NPAS3: variants seen among roughly 807,000 people sequenced by gnomAD.
NPAS3 encodes the protein neuronal PAS domain-containing protein 3.
A neutral mutation model predicts 73.1 loss-of-function variants in NPAS3; 14 were observed. The observed-to-expected ratio is 0.19, with a 90% CI of 0.13 to 0.30. NPAS3 has a LOEUF of 0.30. NPAS3 is among the 10% of genes least tolerant of loss of function. The probability of loss-of-function intolerance (pLI) is 1.00; values close to 1 mark genes in which losing one functional copy is unlikely to be tolerated. For missense variants in NPAS3, 1,096 were observed against 1,250.0 expected (o/e 0.88, Z 1.86); for synonymous variants, 620 against 541.5 (o/e 1.14, Z -2.01).
At chr14:33,461,098 C>T (rs962583520) in intron 4 of NPAS3, among the ~76,000 whole-genome samples, 2 of 152,148 alleles carry the variant, frequency 1.3e-5, no homozygotes, top group African/African-American at 2.4e-5. Context: ...ACGTTCAAAG[C>T]CTGACTCCTG....
rs552690467 is a variant in NPAS3, at chr14:33,670,242, C to A, written c.559-5969C>A. On this transcript the variant is annotated intron_variant, in intron 5 of 11. Coordinates refer to ENST00000356141, the Ensembl canonical transcript of NPAS3. The stretch of plus-strand genomic sequence containing the variant: ...CTAAGGGAAGCCTCTGTTAACATAT[C>A]TGTAAAAAGAGAGCGGATTCGTGTT... Among the ~76,000 whole-genome samples, 5 of 152,308 alleles carry A rather than the reference C, an allele frequency of 3.3e-5. No individual in the cohort carries two copies. The South Asian group carries it at 1.0e-3, about 32-fold the overall frequency.
At chr14:33,470,918 T>C (rs2050750114) in intron 4 of NPAS3, among the ~76,000 whole-genome samples, 1 of 147,234 alleles carries the variant, frequency 6.8e-6, no homozygotes, top group African/African-American at 2.6e-5. Context: ...TGATGCGGGA[T>C]TTGTAGAGCA....
chr14:33,207,759 C>T (rs1302891717), intron 2 of NPAS3, among the ~76,000 whole-genome samples: 2 of 152,050 alleles, frequency 1.3e-5, no homozygotes, highest in African/African-American at 2.4e-5. Context: ...GAAAATGGCC[C>T]CTTTTACAGC....
chr14:33,557,802 T>C (rs985381659), intron 4 of NPAS3, among the ~76,000 whole-genome samples: 1 of 152,168 alleles, frequency 6.6e-6, no homozygotes, highest in Non-Finnish European at 1.5e-5. Context: ...ACCCCGTCTC[T>C]ACTAAAAATA....
At chr14:33,306,643 A>C (rs908310621) in intron 3 of NPAS3, among the ~76,000 whole-genome samples, 1 of 152,316 alleles carries the variant, frequency 6.6e-6, no homozygotes, top group South Asian at 2.1e-4. Flanking sequence ...GGAGTTCATT[A>C]ATTTGTATTG....
upstream of NPAS3, among the ~76,000 whole-genome samples, chr14:32,938,733 A>AC (rs1325806338): frequency 1.4e-4 from 20 of 148,034 alleles, no homozygotes; most frequent in Admixed American, 4.7e-4. Flanking sequence ...GAAAGGGGTG[A>AC]CGGGGGACGG....
chr14:33,744,120 G>A (rs924322836), intron 7 of NPAS3, among the ~76,000 whole-genome samples: 8 of 152,158 alleles, frequency 5.3e-5, no homozygotes, highest in African/African-American at 1.7e-4. Flanking sequence ...TGCATTCACT[G>A]GTTGGCTAAC....
At chr14:33,697,216 A>G (rs1045357232) in intron 6 of NPAS3, among the ~76,000 whole-genome samples, 1 of 152,192 alleles carries the variant, frequency 6.6e-6, no homozygotes, top group Non-Finnish European at 1.5e-5. Flanking sequence ...TTTCTGAGCT[A>G]TCTTTGGCAT....
At chr14:33,290,475 T>C (rs1050149206) in intron 3 of NPAS3, among the ~76,000 whole-genome samples, 1 of 152,228 alleles carries the variant, frequency 6.6e-6, no homozygotes, top group Non-Finnish European at 1.5e-5. Flanking sequence ...ATAGCATATT[T>C]ATTAAATTCA....
intron 5 of NPAS3, among the ~76,000 whole-genome samples, chr14:33,573,967 G>A (rs749643008): frequency 1.3e-5 from 2 of 152,194 alleles, no homozygotes; most frequent in Non-Finnish European, 2.9e-5. Context: ...AAATGTGGTG[G>A]AAAGCAAGAA....
chr14:33,549,994 G>T (rs1001613900), intron 4 of NPAS3, among the ~76,000 whole-genome samples: 1 of 152,032 alleles, frequency 6.6e-6, no homozygotes, highest in Non-Finnish European at 1.5e-5. Context: ...AACAACAAAA[G>T]ATTCACTTTA....
At chr14:33,784,028 C>T (rs2138552851) in intron 9 of NPAS3, among the ~76,000 whole-genome samples, 1 of 152,170 alleles carries the variant, frequency 6.6e-6, no homozygotes, top group East Asian at 1.9e-4. Flanking sequence ...ATCAGTATTC[C>T]AATGAAACAA....
intron 9 of NPAS3, among the ~76,000 whole-genome samples, chr14:33,782,823 T>TAAAAAAAAAAAAAAAAAAA (rs199704146): frequency 1.4e-4 from 21 of 148,696 alleles, no homozygotes; most frequent in Non-Finnish European, 2.4e-4. Context: ...TGTTTTTTTT[T>TAAAAAAAAAAAAAAAAAAA]AAAAAAAAGA....
chr14:33,447,413 A>G (rs948433604), intron 4 of NPAS3, among the ~76,000 whole-genome samples: 9 of 152,204 alleles, frequency 5.9e-5, no homozygotes, highest in Admixed American at 3.3e-4. Context: ...TGTAGGAGGT[A>G]GGGAGAAGAG....
chr14:33,319,913 G>A (rs571379492), intron 3 of NPAS3, among the ~76,000 whole-genome samples: 2 of 152,248 alleles, frequency 1.3e-5, no homozygotes, highest in Admixed American at 1.3e-4. Context: ...CATGGCACGT[G>A]GTAGGTATTC....
chr14:33,700,921 T>A (rs925103934), intron 6 of NPAS3, among the ~76,000 whole-genome samples: 3 of 152,212 alleles, frequency 2.0e-5, no homozygotes, highest in African/African-American at 7.2e-5. Flanking sequence ...CAAGTACAGA[T>A]AAAGCACCAT....
rs780815012 is a variant in NPAS3, at chr14:33,703,472, C to T, written c.733+27087C>T. 7.2e-5 allele frequency among the ~76,000 whole-genome samples: 11 copies of T among 152,184 alleles called. No individual in the cohort carries two copies. In the East Asian group the frequency reaches 9.7e-4, roughly 13 times the overall value. On this transcript the variant is annotated intron_variant, in intron 6 of 11. Coordinates refer to ENST00000356141, the Ensembl canonical transcript of NPAS3. ...TCATACTGCTGCACTTCAGCTTGGGCGACAGAGCAAGACCCTGTCTCTTAA... is the reference window on the plus strand; with the variant it reads ...TCATACTGCTGCACTTCAGCTTGGGTGACAGAGCAAGACCCTGTCTCTTAA...
intron 1 of NPAS3, among the ~76,000 whole-genome samples, chr14:33,000,046 C>T (rs2038747724): frequency 6.6e-6 from 1 of 152,142 alleles, no homozygotes; most frequent in South Asian, 2.1e-4. Flanking sequence ...CTTCACTCTG[C>T]TGGGGGAATA....
chr14:33,560,260 A>G, intron 5 of NPAS3, 50 bp downstream of exon 5: 1 of 800,766 alleles, frequency 1.2e-6, no homozygotes, highest in South Asian at 1.5e-5. Flanking sequence ...AGCCTTCTTC[A>G]GCCTCATGTT....
Sources: gnomAD v4.1 joint callset for allele counts (sites outside exome capture counted in the v4.1 genomes callset) on GRCh38, gnomAD v4.1.1 for gene constraint, MANE v1.5 for transcripts, NCBI Gene and HGNC (gene_info 2026-07-23, HGNC 2026-07-21) for gene names.